AIDA: variants seen among roughly 807,000 people sequenced by gnomAD.
AIDA encodes the protein axin interactor, dorsalization associated, also known as axin interactor, dorsalization-associated protein.
AIDA carries 18 observed loss-of-function variants against 42.7 expected under a neutral mutation model. That is an observed-to-expected ratio of 0.42 (90% CI 0.29 to 0.63). The LOEUF (loss-of-function observed/expected upper bound fraction) is 0.63. AIDA is among the 20% of genes least tolerant of loss of function. AIDA has a pLI of 0.19. For missense variants in AIDA, 250 were observed against 354.1 expected (o/e 0.71, Z 2.36); for synonymous variants, 104 against 122.9 (o/e 0.85, Z 1.02).
At chr1:222,690,201 T>C (rs1354580635) in intron 4 of AIDA, among the ~76,000 whole-genome samples, 2 of 152,228 alleles carry the variant, frequency 1.3e-5, no homozygotes, top group African/African-American at 4.8e-5. Flanking sequence ...TGACAAATGA[T>C]TGTATATATA....
intron 6 of AIDA, among the ~76,000 whole-genome samples, chr1:222,678,578 A>G (rs756963540): frequency 6.6e-6 from 1 of 152,074 alleles, no homozygotes; most frequent in Non-Finnish European, 1.5e-5. Flanking sequence ...TACTAAATAT[A>G]TTTCTAACAA....
chr1:222,710,747 T>A (rs1655983274), intron 1 of AIDA, among the ~76,000 whole-genome samples: 1 of 152,232 alleles, frequency 6.6e-6, no homozygotes, highest in African/African-American at 2.4e-5. Flanking sequence ...CAGATTTCAG[T>A]GGTATCAGCT....
At chr1:222,673,467 A>G (rs756244096) in intron 7 of AIDA, 32 bp from the exon 8 acceptor site, 2 of 1,534,576 alleles carry the variant, frequency 1.3e-6, no homozygotes, top group Admixed American at 2.0e-5. Flanking sequence ...CTTTAGGAAC[A>G]TTCAAATATA....
rs1344926096 is a variant in AIDA, at chr1:222,712,381, C to G, written c.-64G>C. 3 of 1,389,002 alleles carry G rather than the reference C, an allele frequency of 2.2e-6. No homozygotes were observed. The highest frequency in any genetic ancestry group is 2.9e-6 in the Non-Finnish European group (3 of 1,051,262). The allele number at this position is 1,389,002 out of a possible 1,614,324, so 86.0% of individuals were successfully genotyped here. A position where few individuals can be genotyped will look rare whatever the true frequency, so the allele number is the denominator to read the frequency against. ...GCAAGGCCGGGTTCTAGGGCGCCATCCTCCCCCGGCCTGGCCCCGACATTA... is the reference window on the plus strand; with the variant it reads ...GCAAGGCCGGGTTCTAGGGCGCCATGCTCCCCCGGCCTGGCCCCGACATTA... On this transcript the variant is annotated 5_prime_UTR_variant, in exon 1 of 10. Coordinates refer to ENST00000340020, the MANE Select transcript of AIDA (RefSeq NM_022831.4).
At chr1:222,697,099 C>T (rs1194482012) in intron 2 of AIDA, among the ~76,000 whole-genome samples, 2 of 151,880 alleles carry the variant, frequency 1.3e-5, no homozygotes, top group African/African-American at 2.4e-5. Flanking sequence ...TCCACCACCG[C>T]GCCCGGCTAA....
intron 2 of AIDA, among the ~76,000 whole-genome samples, chr1:222,700,979 G>GGA (rs1655679138): frequency 1.4e-5 from 2 of 145,586 alleles, no homozygotes; most frequent in Non-Finnish European, 3.0e-5. Context: ...TTTGGGGGGG[G>GGA]GGGGACAGGG....
intron 7 of AIDA, among the ~76,000 whole-genome samples, chr1:222,675,835 A>G (rs528506165): frequency 6.6e-6 from 1 of 152,354 alleles, no homozygotes; most frequent in Admixed American, 6.5e-5. Context: ...ATGGGATGTT[A>G]AGAATAAAAA....
At chr1:222,687,718 C>A in intron 4 of AIDA, 60 bp from the exon 5 acceptor site, 1 of 1,208,878 alleles carries the variant, frequency 8.3e-7, no homozygotes, top group Non-Finnish European at 1.1e-6. Flanking sequence ...AAAATTATAT[C>A]TTAAATGATT....
chr1:222,670,034 CTG>C, intron 9 of AIDA, 45 bp from the exon 10 acceptor site: 1 of 1,612,462 alleles, frequency 6.2e-7, no homozygotes, highest in Non-Finnish European at 8.5e-7. Context: ...ACATTGATAA[CTG>C]AACTCTTCAA....
chr1:222,681,546 G>A (rs1021360083), intron 6 of AIDA, among the ~76,000 whole-genome samples: 1 of 152,082 alleles, frequency 6.6e-6, no homozygotes, highest in Non-Finnish European at 1.5e-5. Context: ...GACTGTAATC[G>A]AAGCTACTTG....
intron 3 of AIDA, 62 bp downstream of exon 3, chr1:222,694,148 T>C: frequency 7.0e-7 from 1 of 1,436,916 alleles, no homozygotes; most frequent in Non-Finnish European, 9.6e-7. Context: ...TGTCTAATGT[T>C]TTATCACAAT....
intron 2 of AIDA, among the ~76,000 whole-genome samples, chr1:222,694,642 G>A (rs1002096773): frequency 2.6e-5 from 4 of 152,114 alleles, no homozygotes; most frequent in Non-Finnish European, 5.9e-5. Flanking sequence ...TAGCACAATG[G>A]TATAATTAAT....
At chr1:222,697,181 G>A (rs1256541162) in intron 2 of AIDA, among the ~76,000 whole-genome samples, 4 of 151,714 alleles carry the variant, frequency 2.6e-5, no homozygotes, top group Non-Finnish European at 5.9e-5. Flanking sequence ...GACCTCAGGT[G>A]ATCCACCTGC....
At chr1:222,702,229 TA>T (rs1655729193) in intron 2 of AIDA, among the ~76,000 whole-genome samples, 1 of 152,180 alleles carries the variant, frequency 6.6e-6, no homozygotes. Flanking sequence ...ATGAATAGAC[TA>T]AAATGGATGT....
At chr1:222,709,571 T>C (rs1655937949) in intron 1 of AIDA, among the ~76,000 whole-genome samples, 2 of 147,780 alleles carry the variant, frequency 1.4e-5, no homozygotes, top group Admixed American at 1.3e-4. Context: ...ACAAGAGACT[T>C]TGCAATTTTA....
chr1:222,684,300 C>T (rs534363334), intron 6 of AIDA, among the ~76,000 whole-genome samples: 15 of 152,052 alleles, frequency 9.9e-5, no homozygotes, highest in African/African-American at 3.4e-4. Context: ...TTAGTAGAGA[C>T]GGGGTTTCAC....
chr1:222,671,874 C>T (rs562448999), intron 8 of AIDA, among the ~76,000 whole-genome samples: 81 of 152,288 alleles, frequency 5.3e-4, no homozygotes, highest in Admixed American at 1.2e-3. Flanking sequence ...ATGATCGTGT[C>T]TTGAGGTCTG....
At chr1:222,699,613 G>A (rs1655626404) in intron 2 of AIDA, among the ~76,000 whole-genome samples, 1 of 152,092 alleles carries the variant, frequency 6.6e-6, no homozygotes. Context: ...CAGAACCAAT[G>A]TTCCCCAGAA....
rs150845624 is a variant in AIDA, at chr1:222,697,945, A to C, written c.181-3682T>G. On this transcript the variant is annotated intron_variant, in intron 2 of 9. Transcript: ENST00000340020. Reference sequence around the variant, plus strand: ...AGTGCTGGAATTCTCATTACCACCAAATTTGACTCAAGACAGGGAAACGCT... The same window carrying C: ...AGTGCTGGAATTCTCATTACCACCACATTTGACTCAAGACAGGGAAACGCT... 1.3e-3 allele frequency among the ~76,000 whole-genome samples: 191 copies of C among 152,094 alleles called. 6 individuals carry two copies. In the South Asian group the frequency reaches 0.017, roughly 13 times the overall value.
Sources: gnomAD v4.1 joint callset for allele counts (sites outside exome capture counted in the v4.1 genomes callset) on GRCh38, gnomAD v4.1.1 for gene constraint, MANE v1.5 for transcripts, NCBI Gene and HGNC (gene_info 2026-07-23, HGNC 2026-07-21) for gene names.